The following WAC variants were observed in gnomAD, a reference collection of about 807,000 sequenced individuals.
WAC encodes the protein WW domain containing adaptor with coiled-coil.
WAC carries 11 observed loss-of-function variants against 79.6 expected under a neutral mutation model. The observed-to-expected ratio is 0.14, with a 90% CI of 0.09 to 0.23. The LOEUF (loss-of-function observed/expected upper bound fraction) is 0.23, where lower values mean the gene tolerates loss of function less well. WAC is among the 10% of genes least tolerant of loss of function. The pLI, the probability that WAC is intolerant of heterozygous loss-of-function variation, is 1.00. For synonymous variants in WAC, 304 were observed against 276.9 expected, an observed-to-expected ratio of 1.10 and a Z score of -0.97; for missense variants, 728 against 773.5, an observed-to-expected ratio of 0.94 and a Z score of 0.70.
chr10:28,539,479 A>G (rs1300563187), intron 3 of WAC, among the ~76,000 whole-genome samples: 1 of 152,178 alleles, frequency 6.6e-6, no homozygotes, highest in Non-Finnish European at 1.5e-5. Context: ...AGTTATTTTT[A>G]TATAGTCTGT....
rs527402575 is a variant in WAC at position 28,581,149 on chromosome 10, T to C, written c.275-2250T>C. Among the ~76,000 whole-genome samples the C allele has an allele frequency of 2.6e-5, 4 of 151,784 alleles. No individual in the cohort carries two copies. In the East Asian group the frequency reaches 7.8e-4, roughly 30 times the overall value. On this transcript the variant is annotated intron_variant, in intron 3 of 13. Transcript: ENST00000354911. ...TTATATAGGTACTCTTTGCCTTGCATGTACCAAAATTTCAGACTCCAGTAG... is the reference window on the plus strand; with the variant it reads ...TTATATAGGTACTCTTTGCCTTGCACGTACCAAAATTTCAGACTCCAGTAG...
intron 1 of WAC, 148 bp downstream of exon 1, chr10:28,533,768 G>A (rs1042274282): frequency 6.8e-6 from 7 of 1,026,346 alleles, no homozygotes; most frequent in Non-Finnish European, 9.7e-6. Flanking sequence ...CCGCGCGGGC[G>A]GGCGGGCGGG....
intron 4 of WAC, chr10:28,588,939 A>T (rs1297768508): frequency 1.3e-5 from 2 of 152,210 alleles, no homozygotes; most frequent in Admixed American, 1.3e-4. Flanking sequence ...AAAATAAGGA[A>T]TTCAACCAGG....
Position 28,611,865 on chromosome 10 carries a change from T to C in WAC, c.1380T>C (p.Thr460=). 6.2e-7 allele frequency: 1 copy of C among 1,614,148 alleles called. No homozygotes were observed. The highest frequency in any genetic ancestry group is 8.5e-7 in the Non-Finnish European group (1 of 1,180,032). ...YVSPRISTPQ[T]NTVPIKPLIS... is the part of the protein sequence containing the mutation. ...CTCCAAGAATAAGCACACCTCAAACTAACACAGTCCCTATCAAACCTTTGA... is the reference window on the plus strand; with the variant it reads ...CTCCAAGAATAAGCACACCTCAAACCAACACAGTCCCTATCAAACCTTTGA... Residue 460 remains threonine (T), a synonymous_variant, in exon 10 of 14, where the codon ACT becomes ACC. Transcript: ENST00000354911.
At chr10:28,536,580 T>C (rs1321256570) in intron 3 of WAC, among the ~76,000 whole-genome samples, 2 of 152,196 alleles carry the variant, frequency 1.3e-5, no homozygotes, top group Non-Finnish European at 2.9e-5. Flanking sequence ...TATTCTCCAG[T>C]TTTGGTGATG....
chr10:28,571,874 A>G (rs1050690285), intron 3 of WAC, among the ~76,000 whole-genome samples: 1 of 152,188 alleles, frequency 6.6e-6, no homozygotes, highest in African/African-American at 2.4e-5. Context: ...TTTTAGCTAT[A>G]TTACTTGCTC....
chr10:28,619,576 G>A lies in WAC; in HGVS notation c.1914G>A (p.Lys638=). The change falls in exon 14 of 14, where the codon AAG becomes AAA. Residue 638 remains lysine, a synonymous_variant. Transcript: ENST00000354911. Reference sequence around the variant, plus strand: ...GACAACAAATTAAGGAACTTGAAAAGCTAAAAAATCAGAATTCCTTCATGG... The same window carrying A: ...GACAACAAATTAAGGAACTTGAAAAACTAAAAAATCAGAATTCCTTCATGG... ...FLRQQIKELE[K]LKNQNSFMV is the part of the protein sequence containing the mutation. 1.9e-6 allele frequency: 3 copies of A among 1,578,070 alleles called. No homozygotes were observed. Among genetic ancestry groups the A allele is most frequent in the Non-Finnish European group, 2.6e-6 (3 of 1,170,630 alleles).
chr10:28,616,077 C>T, intron 11 of WAC, 96 bp from the exon 12 acceptor site: 3 of 1,016,494 alleles, frequency 3.0e-6, no homozygotes, highest in Non-Finnish European at 2.8e-6. Context: ...ATTTGGATAT[C>T]TTTAAGTTAA....
intron 11 of WAC, 164 bp from the exon 12 acceptor site, chr10:28,616,009 A>G (rs1285864857): frequency 1.8e-6 from 1 of 546,788 alleles, no homozygotes; most frequent in Non-Finnish European, 3.0e-6. Context: ...GAGGAATCAT[A>G]TACTTTGGAT....
intron 3 of WAC, among the ~76,000 whole-genome samples, chr10:28,553,593 A>C (rs942440917): frequency 6.6e-6 from 1 of 152,148 alleles, no homozygotes; most frequent in African/African-American, 2.4e-5. Flanking sequence ...ATATGGTTTT[A>C]TAGTGCCGTT....
intron 3 of WAC, among the ~76,000 whole-genome samples, chr10:28,542,008 AATAG>A (rs2132354094): frequency 6.6e-6 from 1 of 152,260 alleles, no homozygotes; most frequent in South Asian, 2.1e-4. Flanking sequence ...CAAATCTTAT[AATAG>A]ATCCTGTGTA....
chr10:28,583,309 TA>T, intron 3 of WAC, 89 bp from the exon 4 acceptor site: 2 of 928,362 alleles, frequency 2.2e-6, no homozygotes, highest in Non-Finnish European at 3.2e-6. Context: ...TTTAGAGATA[TA>T]AAATAATATC....
intron 3 of WAC, among the ~76,000 whole-genome samples, chr10:28,564,240 C>G (rs1475993683): frequency 1.3e-5 from 2 of 152,036 alleles, no homozygotes; most frequent in African/African-American, 4.8e-5. Flanking sequence ...ACGATAGAGC[C>G]AGACCTTGTC....
chr10:28,603,076 A>C (rs1840715250), intron 7 of WAC, among the ~76,000 whole-genome samples: 1 of 152,244 alleles, frequency 6.6e-6, no homozygotes, highest in Non-Finnish European at 1.5e-5. Context: ...ACACAAGTCA[A>C]CACTAGAGCT....
At chr10:28,617,210 C>G (rs549201131) in intron 12 of WAC, among the ~76,000 whole-genome samples, 8 of 152,206 alleles carry the variant, frequency 5.3e-5, no homozygotes, top group Non-Finnish European at 1.0e-4. Flanking sequence ...CCATTTGCCT[C>G]TTGCTTTTTA....
chr10:28,545,583 T>C (rs1199142627), intron 3 of WAC, among the ~76,000 whole-genome samples: 1 of 152,256 alleles, frequency 6.6e-6, no homozygotes, highest in Non-Finnish European at 1.5e-5. Context: ...AGAGGAACTC[T>C]GAAGTGGACA....
chr10:28,598,521 CA>C (rs1490517064), intron 7 of WAC, among the ~76,000 whole-genome samples: 1 of 152,162 alleles, frequency 6.6e-6, no homozygotes, highest in Non-Finnish European at 1.5e-5. Context: ...GTACTTTGTT[CA>C]CCTTCTAACC....
intron 4 of WAC, among the ~76,000 whole-genome samples, chr10:28,588,301 T>G (rs554549749): frequency 1.3e-5 from 2 of 152,290 alleles, no homozygotes; most frequent in African/African-American, 2.4e-5. Flanking sequence ...GATTGAAAAT[T>G]AACTCTCCAC....
rs563990574 is a variant in WAC at position 28,610,349 on chromosome 10, T to C, written c.1166-350T>C. On this transcript the variant is annotated intron_variant, in intron 8 of 13. Coordinates refer to ENST00000354911, the MANE Select transcript of WAC (RefSeq NM_016628.5). ...GCAGTTGTTTATCCAGTTAATTCCATATAACATACTGAACACTCACATATG... is the reference window on the plus strand; with the variant it reads ...GCAGTTGTTTATCCAGTTAATTCCACATAACATACTGAACACTCACATATG... Among the ~76,000 whole-genome samples the C allele has an allele frequency of 1.0e-3, 153 of 152,274 alleles. 1 individual carries two copies. The highest frequency in any genetic ancestry group is 6.8e-3 in the Middle Eastern group (2 of 294).
Sources: gnomAD v4.1 joint callset for allele counts (sites outside exome capture counted in the v4.1 genomes callset) on GRCh38, gnomAD v4.1.1 for gene constraint, MANE v1.5 for transcripts, NCBI Gene and HGNC (gene_info 2026-07-23, HGNC 2026-07-21) for gene names.